The following GRAMD2B variants were observed in gnomAD, a reference collection of about 807,000 sequenced individuals.
GRAMD2B encodes GRAM domain-containing protein 2B.
In GRAMD2B, 41 loss-of-function variants were observed where a neutral mutation model predicts 59.2. The observed-to-expected ratio is 0.69, with a 90% confidence interval of 0.54 to 0.90. The LOEUF (loss-of-function observed/expected upper bound fraction) is 0.90. GRAMD2B is among the 40% of genes least tolerant of loss of function. GRAMD2B has a pLI of 0.00. For synonymous variants in GRAMD2B, 161 were observed against 182.7 expected, an observed-to-expected ratio of 0.88 and a Z score of 0.96; for missense variants, 424 against 500.5, an observed-to-expected ratio of 0.85 and a Z score of 1.46.
intron 5 of GRAMD2B, among the ~76,000 whole-genome samples, chr5:126,476,955 C>T (rs1162323776): frequency 3.9e-5 from 6 of 152,258 alleles, no homozygotes; most frequent in East Asian, 3.9e-4. Context: ...AGGCCTAGAA[C>T]GGATAGCTTA....
chr5:126,389,653 A>G (rs942128425), intron 1 of GRAMD2B, among the ~76,000 whole-genome samples: 1 of 152,212 alleles, frequency 6.6e-6, no homozygotes, highest in African/African-American at 2.4e-5. Flanking sequence ...ATGTTTTAAT[A>G]TTTGTTAAAT....
chr5:126,447,678 A>AG (rs1030269416), intron 1 of GRAMD2B, among the ~76,000 whole-genome samples: 1 of 151,262 alleles, frequency 6.6e-6, no homozygotes, highest in Non-Finnish European at 1.5e-5. Flanking sequence ...AAAGAAAAAA[A>AG]AAAAAAAAGA....
At chr5:126,476,022 C>T (rs564678748) in intron 5 of GRAMD2B, among the ~76,000 whole-genome samples, 1 of 152,162 alleles carries the variant, frequency 6.6e-6, no homozygotes, top group African/African-American at 2.4e-5. Flanking sequence ...GCAGGAGAAT[C>T]ACTTGAACCC....
chr5:126,465,609 A>G (rs371494920), intron 2 of GRAMD2B, 64 bp downstream of exon 2: 6 of 1,476,816 alleles, frequency 4.1e-6, no homozygotes, highest in East Asian at 2.3e-5. Context: ...TTACAGGAGG[A>G]GCAGGGGTTT....
intron 11 of GRAMD2B, 124 bp downstream of exon 11, chr5:126,485,897 C>G (rs942938373): frequency 1.6e-6 from 1 of 612,134 alleles, no homozygotes; most frequent in Non-Finnish European, 2.7e-6. Flanking sequence ...TACATCTTTA[C>G]TTTGACAATT....
intron 1 of GRAMD2B, among the ~76,000 whole-genome samples, chr5:126,389,821 G>T (rs1808377): frequency 0.64 from 96,923 of 151,738 alleles, 33,712 homozygotes; most frequent in Non-Finnish European, 0.78. Context: ...GGTGGTGCGT[G>T]CTTGTAGTCC....
At chr5:126,407,002 C>T (rs1267340516) in intron 1 of GRAMD2B, among the ~76,000 whole-genome samples, 1 of 152,006 alleles carries the variant, frequency 6.6e-6, no homozygotes, top group African/African-American at 2.4e-5. Flanking sequence ...TAAAGAAATG[C>T]TTCTGATTTG....
chr5:126,480,487 C>A lies in GRAMD2B; in HGVS notation c.614C>A (p.Ser205Ter), dbSNP rs776087713. 13 of 1,613,224 alleles carry A rather than the reference C, an allele frequency of 8.1e-6. No individual in the cohort carries two copies. The highest frequency in any genetic ancestry group is 1.1e-5 in the Non-Finnish European group (13 of 1,179,162). The change falls in exon 7 of 14, where the codon TCA (serine) becomes TAA (stop). Residue 205 changes from serine (S) to a stop codon, truncating the protein, a stop_gained. Coordinates refer to ENST00000285689, the MANE Select transcript of GRAMD2B (RefSeq NM_023927.4). LOFTEE classifies it high-confidence loss of function. ...YIFVSLLSRD[S>*]TYKLLKSVCG... ...TTTGTCTCCTTACTCTCCAGAGATTCAACTTACAAACTACTAAAATCTGTG... is the reference window on the plus strand; with the variant it reads ...TTTGTCTCCTTACTCTCCAGAGATTAAACTTACAAACTACTAAAATCTGTG...
chr5:126,409,464 T>G (rs186910871), intron 1 of GRAMD2B, among the ~76,000 whole-genome samples: 2 of 152,184 alleles, frequency 1.3e-5, no homozygotes, highest in Admixed American at 1.3e-4. Context: ...TTTCATGTGT[T>G]TTTTGGCTGC....
chr5:126,453,552 C>T (rs1039017453), intron 1 of GRAMD2B, among the ~76,000 whole-genome samples: 1 of 152,206 alleles, frequency 6.6e-6, no homozygotes, highest in African/African-American at 2.4e-5. Context: ...ATCAATCTTC[C>T]TTGGCTGGAA....
chr5:126,486,806 A>G, intron 11 of GRAMD2B, 67 bp from the exon 12 acceptor site: 1 of 936,160 alleles, frequency 1.1e-6, no homozygotes, highest in Non-Finnish European at 1.7e-6. Context: ...ATTGGCACTG[A>G]GTTGTTTTAT....
chr5:126,483,335 A>G (rs1581256283), intron 8 of GRAMD2B, 128 bp from the exon 9 acceptor site: 1 of 463,736 alleles, frequency 2.2e-6, no homozygotes, highest in Non-Finnish European at 3.8e-6. Flanking sequence ...TCCCAGTCGT[A>G]TGGAGTAATC....
At chr5:126,413,598 T>C (rs1487043308) in intron 1 of GRAMD2B, among the ~76,000 whole-genome samples, 2 of 152,122 alleles carry the variant, frequency 1.3e-5, no homozygotes, top group Non-Finnish European at 2.9e-5. Context: ...GAATGTTCTG[T>C]AGATGTCTCT....
intron 2 of GRAMD2B, chr5:126,467,437 A>T (rs1403644007): frequency 6.6e-6 from 1 of 152,142 alleles, no homozygotes; most frequent in Non-Finnish European, 1.5e-5. Flanking sequence ...GTATACATAC[A>T]TACCCTGTCC....
At chr5:126,374,192 G>T (rs989627663) in intron 1 of GRAMD2B, among the ~76,000 whole-genome samples, 22 of 152,226 alleles carry the variant, frequency 1.4e-4, no homozygotes, top group African/African-American at 5.3e-4. Context: ...TGTCATTTGC[G>T]CTACCACCAG....
intron 1 of GRAMD2B, among the ~76,000 whole-genome samples, chr5:126,388,927 T>C (rs974783060): frequency 2.0e-5 from 3 of 152,134 alleles, no homozygotes; most frequent in African/African-American, 7.2e-5. Context: ...ATTAGGCTGA[T>C]GGGCATACCA....
chr5:126,422,347 C>T (rs555649050), upstream of GRAMD2B, among the ~76,000 whole-genome samples: 26 of 152,196 alleles, frequency 1.7e-4, no homozygotes, highest in Admixed American at 5.2e-4. Context: ...CAAGCGCCTG[C>T]GCCACCTCAC....
intron 1 of GRAMD2B, among the ~76,000 whole-genome samples, chr5:126,383,775 TC>T (rs1755863947): frequency 6.6e-6 from 1 of 152,222 alleles, no homozygotes; most frequent in Non-Finnish European, 1.5e-5. Context: ...TTTTCAAAAA[TC>T]AAACCCACTT....
chr5:126,369,109 TGCCC>T (rs1754610399), upstream of GRAMD2B, among the ~76,000 whole-genome samples: 1 of 152,250 alleles, frequency 6.6e-6, no homozygotes, highest in Non-Finnish European at 1.5e-5. Context: ...ACCTGGTCCA[TGCCC>T]ATTTATTTGT....
Sources: gnomAD v4.1 joint callset for allele counts (sites outside exome capture counted in the v4.1 genomes callset) on GRCh38, gnomAD v4.1.1 for gene constraint, MANE v1.5 for transcripts, NCBI Gene and HGNC (gene_info 2026-07-23, HGNC 2026-07-21) for gene names.